Variants in FOXO3 observed in about 807,000 individuals in gnomAD.
The protein encoded by FOXO3 is forkhead box O3.
FOXO3 carries 4 observed loss-of-function variants against 41.9 expected under a neutral mutation model. The observed-to-expected ratio is 0.10, with a 90% CI of 0.05 to 0.22. The LOEUF (loss-of-function observed/expected upper bound fraction) is 0.22, where lower values mean the gene tolerates loss of function less well. Among genes scored for constraint, FOXO3 ranks in the 10% least tolerant of loss-of-function variants. The pLI is 1.00. For synonymous variants in FOXO3, 318 were observed against 389.3 expected (o/e 0.82, Z 2.16); for missense variants, 534 against 906.8 (o/e 0.59, Z 5.28).
At chr6:108,579,045 AAC>A (rs1357841309) in intron 1 of FOXO3, among the ~76,000 whole-genome samples, 1 of 152,156 alleles carries the variant, frequency 6.6e-6, no homozygotes. Context: ...AATAGTGCAA[AAC>A]ACAGTGGGTT....
intron 1 of FOXO3, among the ~76,000 whole-genome samples, chr6:108,606,681 C>T (rs748023217): frequency 6.6e-5 from 10 of 152,210 alleles, no homozygotes; most frequent in Non-Finnish European, 1.2e-4. Context: ...CTTTTGCCAG[C>T]CTGTTCTGCT....
chr6:108,591,728 CACAAAACAAAACTTCGTGTTTCTGAA>C (rs1224857954), intron 1 of FOXO3, among the ~76,000 whole-genome samples: 2 of 152,042 alleles, frequency 1.3e-5, no homozygotes, highest in African/African-American at 2.4e-5. Context: ...AGGGAGGTGA[CACAAAACAAAACTTCGTGTTTCTGAA>C]GCCGAGATTT....
In FOXO3 at chr6:108,561,591, A is replaced by C. The variant is rs1044876496; in HGVS notation, c.383A>C (p.Gln128Pro). 2.7e-6 allele frequency: 4 copies of C among 1,505,630 alleles called. No individual in the cohort carries two copies. In the African/African-American group the frequency reaches 5.6e-5, roughly 21 times the overall value. The allele number at this position is 1,505,630 out of a possible 1,614,324, so 93.3% of individuals were successfully genotyped here. A position where few individuals can be genotyped will look rare whatever the true frequency, so the allele number is the denominator to read the frequency against. The change falls in exon 1 of 3, where the codon CAG becomes CCG. Residue 128 changes from glutamine (Q) to proline (P), a missense_variant. Transcript: ENST00000406360. ...AGCGGGGGTACACAGGCGCTGCTGC[A>C]GCCTCAGCAACCGCTGCCACCGCCG... ...GLSGGTQALL[Q>P]PQQPLPPPQP...
At chr6:108,620,201 C>T (rs905624272) in intron 1 of FOXO3, among the ~76,000 whole-genome samples, 3 of 152,104 alleles carry the variant, frequency 2.0e-5, no homozygotes, top group Non-Finnish European at 2.9e-5. Flanking sequence ...TGCTTGTACT[C>T]AGGAGCCCAG....
At chr6:108,595,638 C>T (rs1442259474) in intron 1 of FOXO3, among the ~76,000 whole-genome samples, 1 of 151,966 alleles carries the variant, frequency 6.6e-6, no homozygotes, top group Non-Finnish European at 1.5e-5. Flanking sequence ...GATTGTTTAC[C>T]CTTGAAAAGA....
intron 1 of FOXO3, among the ~76,000 whole-genome samples, chr6:108,643,999 T>A (rs1778330523): frequency 6.6e-6 from 1 of 152,204 alleles, no homozygotes; most frequent in Non-Finnish European, 1.5e-5. Context: ...CCCAGTGTAG[T>A]CGTAGAGCCT....
At chr6:108,612,736 A>G (rs1479768803) in intron 1 of FOXO3, among the ~76,000 whole-genome samples, 1 of 152,040 alleles carries the variant, frequency 6.6e-6, no homozygotes, top group Non-Finnish European at 1.5e-5. Context: ...TACTGTATAC[A>G]CTTTATTTCT....
chr6:108,618,356 G>A, intron 1 of FOXO3: 1 of 562,002 alleles, frequency 1.8e-6, no homozygotes, highest in Non-Finnish European at 3.3e-6. Flanking sequence ...ACGAGCACAT[G>A]AGCAGCACCA....
At chr6:108,566,190 A>G (rs1440290874) in intron 1 of FOXO3, among the ~76,000 whole-genome samples, 1 of 152,190 alleles carries the variant, frequency 6.6e-6, no homozygotes, top group African/African-American at 2.4e-5. Flanking sequence ...TGTGAGTCCC[A>G]TGTAACAGAG....
At chr6:108,634,740 T>A (rs1252946969) in intron 1 of FOXO3, among the ~76,000 whole-genome samples, 2 of 152,104 alleles carry the variant, frequency 1.3e-5, no homozygotes, top group Non-Finnish European at 2.9e-5. Flanking sequence ...TGAGGCTGGA[T>A]GATGAGTACA....
chr6:108,677,698 G>T (rs957753041), intron 2 of FOXO3, among the ~76,000 whole-genome samples: 2 of 152,162 alleles, frequency 1.3e-5, no homozygotes, highest in Admixed American at 6.5e-5. Context: ...GTGTTATTGT[G>T]AGGGGAAAAA....
chr6:108,608,841 C>G, intron 1 of FOXO3, among the ~76,000 whole-genome samples: 1 of 152,144 alleles, frequency 6.6e-6, no homozygotes, highest in East Asian at 1.9e-4. Flanking sequence ...CTTTATTTTT[C>G]TCTATCCCTC....
At chr6:108,650,738 G>A (rs550358645) in intron 1 of FOXO3, among the ~76,000 whole-genome samples, 84 of 152,250 alleles carry the variant, frequency 5.5e-4, no homozygotes, top group Middle Eastern at 3.4e-3. Flanking sequence ...AGAATACAGG[G>A]GTATCTGAGT....
intron 1 of FOXO3, among the ~76,000 whole-genome samples, chr6:108,596,014 C>T (rs934567641): frequency 1.3e-5 from 2 of 152,090 alleles, no homozygotes; most frequent in Admixed American, 1.3e-4. Context: ...CCTTCTTGTC[C>T]GTTTTGTTTA....
At chr6:108,566,180 T>C (rs1775942043) in intron 1 of FOXO3, among the ~76,000 whole-genome samples, 1 of 152,224 alleles carries the variant, frequency 6.6e-6, no homozygotes, top group Admixed American at 6.5e-5. Context: ...GACTTTGATC[T>C]GTGAGTCCCA....
intron 1 of FOXO3, among the ~76,000 whole-genome samples, chr6:108,577,295 G>A (rs1391263420): frequency 2.6e-5 from 4 of 152,030 alleles, no homozygotes; most frequent in Non-Finnish European, 5.9e-5. Flanking sequence ...TTCCTTGATC[G>A]TCTAGCCATT....
intron 2 of FOXO3, among the ~76,000 whole-genome samples, chr6:108,675,987 A>G (rs1770573267): frequency 6.6e-6 from 1 of 152,254 alleles, no homozygotes; most frequent in Non-Finnish European, 1.5e-5. Context: ...TTAGAGTATC[A>G]TGTGATTTAT....
intron 1 of FOXO3, among the ~76,000 whole-genome samples, chr6:108,658,852 T>C (rs1778765201): frequency 6.6e-6 from 1 of 151,660 alleles, no homozygotes; most frequent in African/African-American, 2.4e-5. Context: ...TGAAAGACTT[T>C]TTTTTGTTTG....
At chr6:108,585,065 C>T (rs527488806) in intron 1 of FOXO3, among the ~76,000 whole-genome samples, 133 of 104,378 alleles carry the variant, frequency 1.3e-3, no homozygotes, top group African/African-American at 4.3e-3. Flanking sequence ...GACAGAGTCT[C>T]GCTCTGTTGC....
Sources: gnomAD v4.1 joint callset for allele counts (sites outside exome capture counted in the v4.1 genomes callset) on GRCh38, gnomAD v4.1.1 for gene constraint, MANE v1.5 for transcripts, NCBI Gene and HGNC (gene_info 2026-07-23, HGNC 2026-07-21) for gene names.